The following ASTN2 variants were observed in gnomAD, a reference collection of about 807,000 sequenced individuals.
ASTN2 encodes astrotactin 2, also known as astrotactin-2.
Under a neutral mutation model 139.8 loss-of-function variants are expected in ASTN2, and 54 were observed. The observed-to-expected ratio is 0.39, with a 90% confidence interval of 0.31 to 0.48. ASTN2 has a LOEUF of 0.48. ASTN2 is among the 20% of genes least tolerant of loss of function. ASTN2 has a pLI of 0.95. For synonymous variants in ASTN2, 756 were observed against 719.5 expected, an observed-to-expected ratio of 1.05 and a Z score of -0.81; for missense variants, 1,565 against 1,725.1, an observed-to-expected ratio of 0.91 and a Z score of 1.64.
chr9:116,706,055 A>C (rs552615299), intron 16 of ASTN2, among the ~76,000 whole-genome samples: 1 of 152,236 alleles, frequency 6.6e-6, no homozygotes, highest in East Asian at 1.9e-4. Context: ...TCATACTTAT[A>C]GAGGTGGTAG....
chr9:117,289,138 G>A (rs1834521988), intron 2 of ASTN2, among the ~76,000 whole-genome samples: 3 of 152,280 alleles, frequency 2.0e-5, no homozygotes, highest in South Asian at 2.1e-4. Flanking sequence ...AACACCCTGG[G>A]GTTCAGTGTC....
intron 1 of ASTN2, among the ~76,000 whole-genome samples, chr9:117,376,604 C>T (rs777899167): frequency 6.6e-6 from 1 of 152,094 alleles, no homozygotes; most frequent in Non-Finnish European, 1.5e-5. Context: ...CCAGGCAAAG[C>T]AGGATTTGTG....
At chr9:116,933,448 C>T (rs1226826370) in intron 10 of ASTN2, among the ~76,000 whole-genome samples, 2 of 152,018 alleles carry the variant, frequency 1.3e-5, no homozygotes, top group African/African-American at 2.4e-5. Context: ...GCAGAGAAGT[C>T]TGGAGATTCT....
intron 3 of ASTN2, among the ~76,000 whole-genome samples, chr9:117,200,726 TG>T (rs1831681833): frequency 6.6e-6 from 1 of 152,176 alleles, no homozygotes; most frequent in African/African-American, 2.4e-5. Context: ...TTAATCATGG[TG>T]GATAAGTTTT....
intron 10 of ASTN2, among the ~76,000 whole-genome samples, chr9:116,935,632 G>C (rs764513733): frequency 2.0e-5 from 3 of 152,176 alleles, no homozygotes; most frequent in Non-Finnish European, 4.4e-5. Context: ...CCATCTGGCA[G>C]AACAGGATTC....
intron 4 of ASTN2, among the ~76,000 whole-genome samples, chr9:117,119,802 G>A (rs1304145646): frequency 6.6e-6 from 1 of 151,682 alleles, no homozygotes; most frequent in African/African-American, 2.4e-5. Context: ...AATGTGACAC[G>A]CATGTTATCC....
intron 16 of ASTN2, among the ~76,000 whole-genome samples, chr9:116,688,292 C>T (rs1860377553): frequency 6.6e-6 from 1 of 151,986 alleles, no homozygotes; most frequent in East Asian, 1.9e-4. Context: ...AGGATTGAAT[C>T]GTGGGGTGGA....
At position 116,991,545 on chromosome 9, in the gene ASTN2, G is replaced by A. The variant is rs182519597; in HGVS notation, c.1592-14760C>T. Among the ~76,000 whole-genome samples the A allele has an allele frequency of 8.0e-4, 120 of 149,818 alleles. 1 individual carries two copies. The highest frequency in any genetic ancestry group is 6.5e-3 in the East Asian group (33 of 5,076). On this transcript the variant is annotated intron_variant, in intron 7 of 22. Coordinates refer to ENST00000313400, the MANE Select transcript of ASTN2 (RefSeq NM_001365068.1). ...CAGATACTTCGTACCGATAATAATC[G>A]TCACAATAACTTACCAAAGGTGAAT...
intron 16 of ASTN2, among the ~76,000 whole-genome samples, chr9:116,680,392 A>C (rs7875695): frequency 0.045 from 6,904 of 152,266 alleles, 543 homozygotes; most frequent in African/African-American, 0.16. Flanking sequence ...ATAGCTTACC[A>C]ACCAAAAAGA....
chr9:117,018,457 G>A (rs980001450), intron 6 of ASTN2, among the ~76,000 whole-genome samples: 2 of 152,066 alleles, frequency 1.3e-5, no homozygotes, highest in South Asian at 2.1e-4. Flanking sequence ...ACTACACTGT[G>A]GGTTCGATGC....
intron 19 of ASTN2, among the ~76,000 whole-genome samples, chr9:116,565,451 A>G (rs1853183346): frequency 8.2e-6 from 1 of 121,988 alleles, no homozygotes. Context: ...ATTTTGAGAC[A>G]GTGTCTCACT....
chr9:116,609,378 T>C (rs1413325732), intron 19 of ASTN2, among the ~76,000 whole-genome samples: 1 of 59,834 alleles, frequency 1.7e-5, no homozygotes, highest in Non-Finnish European at 2.9e-5. Flanking sequence ...TATATATGGG[T>C]GTATATATAT....
intron 13 of ASTN2, among the ~76,000 whole-genome samples, chr9:116,780,006 T>A (rs1250553567): frequency 6.6e-6 from 1 of 152,230 alleles, no homozygotes. Context: ...TGATTTTCAT[T>A]CACACATCAA....
At chr9:117,183,427 T>C (rs968466252) in intron 3 of ASTN2, among the ~76,000 whole-genome samples, 1 of 152,226 alleles carries the variant, frequency 6.6e-6, no homozygotes, top group African/African-American at 2.4e-5. Flanking sequence ...TAAGCACTCC[T>C]TTAAGCATTG....
At chr9:116,531,908 A>G (rs899009516) in intron 19 of ASTN2, among the ~76,000 whole-genome samples, 5 of 152,144 alleles carry the variant, frequency 3.3e-5, no homozygotes, top group Admixed American at 2.6e-4. Context: ...GTCAAATGGT[A>G]TTTCTAGTTC....
intron 10 of ASTN2, among the ~76,000 whole-genome samples, chr9:116,902,457 T>C: frequency 6.6e-6 from 1 of 152,210 alleles, no homozygotes; most frequent in East Asian, 1.9e-4. Context: ...AAATATACCA[T>C]ATTTTGGTGT....
At chr9:117,357,879 G>A (rs892574178) in intron 1 of ASTN2, among the ~76,000 whole-genome samples, 16 of 152,274 alleles carry the variant, frequency 1.1e-4, no homozygotes, top group African/African-American at 3.9e-4. Context: ...GATGAACAGA[G>A]TACCTGAATG....
chr9:117,386,775 A>G (rs1043659325), intron 1 of ASTN2, among the ~76,000 whole-genome samples: 1 of 152,136 alleles, frequency 6.6e-6, no homozygotes, highest in African/African-American at 2.4e-5. Context: ...TGGACTATGA[A>G]GACCCACATG....
intron 16 of ASTN2, among the ~76,000 whole-genome samples, chr9:116,671,919 G>A (rs1859216882): frequency 6.6e-6 from 1 of 152,282 alleles, no homozygotes; most frequent in Admixed American, 6.5e-5. Context: ...GTAAGACACT[G>A]TGAAGCAGAG....
Sources: gnomAD v4.1 joint callset for allele counts (sites outside exome capture counted in the v4.1 genomes callset) on GRCh38, gnomAD v4.1.1 for gene constraint, MANE v1.5 for transcripts, NCBI Gene and HGNC (gene_info 2026-07-23, HGNC 2026-07-21) for gene names.